Variants in CADM1 observed in about 807,000 individuals in gnomAD.
CADM1 encodes cell adhesion molecule 1, also known as TSLC-1.
A neutral mutation model predicts 53.1 loss-of-function variants in CADM1; 15 were observed. The observed-to-expected ratio is 0.28, with a 90% CI of 0.19 to 0.44. The LOEUF is 0.44. CADM1 is among the 20% of genes least tolerant of loss of function. CADM1 has a pLI of 1.00. For missense variants in CADM1, 434 were observed against 611.3 expected (o/e 0.71, Z 3.06); for synonymous variants, 281 against 243.0 (o/e 1.16, Z -1.45).
At chr11:115,283,449 C>T (rs757524185) in intron 1 of CADM1, among the ~76,000 whole-genome samples, 3 of 152,034 alleles carry the variant, frequency 2.0e-5, no homozygotes, top group Non-Finnish European at 2.9e-5. Context: ...TTGGAAGGAA[C>T]GCAGTGAGGG....
At chr11:115,217,869 C>T (rs1186788310) in intron 6 of CADM1, 23 bp downstream of exon 6, 2 of 1,521,492 alleles carry the variant, frequency 1.3e-6, no homozygotes, top group Admixed American at 1.7e-5. Context: ...GACCCTCTGC[C>T]AACTTTGGCC....
At chr11:115,260,434 A>C (rs1942936849) in intron 1 of CADM1, among the ~76,000 whole-genome samples, 3 of 152,220 alleles carry the variant, frequency 2.0e-5, no homozygotes, top group South Asian at 4.1e-4. Context: ...GTTGTATCAT[A>C]CTGTATCAGG....
intron 1 of CADM1, among the ~76,000 whole-genome samples, chr11:115,392,206 A>G (rs972533679): frequency 6.6e-6 from 1 of 151,902 alleles, no homozygotes; most frequent in Admixed American, 6.6e-5. Flanking sequence ...TATTGTGTTA[A>G]TTGTTTATTT....
chr11:115,191,043 C>A, intron 9 of CADM1, 102 bp from the exon 10 acceptor site: 1 of 890,466 alleles, frequency 1.1e-6, no homozygotes, highest in South Asian at 1.5e-5. Flanking sequence ...TGAGCCAAAT[C>A]TCTTGCTATC....
intron 1 of CADM1, among the ~76,000 whole-genome samples, chr11:115,391,033 G>C (rs1231954127): frequency 6.6e-6 from 1 of 152,274 alleles, no homozygotes; most frequent in African/African-American, 2.4e-5. Context: ...CAAAGCAATA[G>C]AAATGCACAG....
chr11:115,393,303 G>T (rs1418940120), intron 1 of CADM1, among the ~76,000 whole-genome samples: 1 of 151,444 alleles, frequency 6.6e-6, no homozygotes, highest in African/African-American at 2.4e-5. Flanking sequence ...TCTCTGAGTG[G>T]TAGGATTATA....
chr11:115,416,159 C>T (rs1161856143), intron 1 of CADM1, among the ~76,000 whole-genome samples: 1 of 152,194 alleles, frequency 6.6e-6, no homozygotes, highest in Non-Finnish European at 1.5e-5. Flanking sequence ...CATTAATATA[C>T]AACTCCACAG....
rs556445957 is a variant in CADM1, at chr11:115,314,941, G to A, written c.125-74521C>T. Among the ~76,000 whole-genome samples, 4 of 152,292 alleles carry A rather than the reference G, an allele frequency of 2.6e-5. 1 individual carries two copies. The highest frequency in any genetic ancestry group is 2.6e-4 in the Admixed American group (4 of 15,286). On this transcript the variant is annotated intron_variant, in intron 1 of 11. Transcript: ENST00000331581. ...CAGAAGCTTGTTTCATAAATTAGGGGAGAAAGTTCATGAAATGTTAAAAAT... is the reference window on the plus strand; with the variant it reads ...CAGAAGCTTGTTTCATAAATTAGGGAAGAAAGTTCATGAAATGTTAAAAAT...
chr11:115,370,971 C>A (rs956793432), intron 1 of CADM1, among the ~76,000 whole-genome samples: 2 of 152,066 alleles, frequency 1.3e-5, no homozygotes, highest in East Asian at 3.9e-4. Context: ...CCTGCCTGAA[C>A]AATAACAATT....
chr11:115,198,266 C>A, intron 9 of CADM1, 140 bp downstream of exon 9: 1 of 638,028 alleles, frequency 1.6e-6, no homozygotes, highest in Non-Finnish European at 2.7e-6. Context: ...CTTTTCAAAC[C>A]TTAAAAAATT....
intron 1 of CADM1, among the ~76,000 whole-genome samples, chr11:115,351,717 A>C (rs1049736007): frequency 1.7e-4 from 26 of 152,210 alleles, no homozygotes; most frequent in Non-Finnish European, 1.0e-4. Context: ...ACATTCTCTT[A>C]ATCAAAAATA....
At chr11:115,424,808 G>A (rs1947851110) in intron 1 of CADM1, among the ~76,000 whole-genome samples, 1 of 151,944 alleles carries the variant, frequency 6.6e-6, no homozygotes, top group Non-Finnish European at 1.5e-5. Context: ...TTTCAGGCAT[G>A]AGCTACCACG....
intron 7 of CADM1, among the ~76,000 whole-genome samples, chr11:115,211,941 T>A (rs771079612): frequency 5.3e-5 from 8 of 151,884 alleles, no homozygotes; most frequent in Non-Finnish European, 1.0e-4. Flanking sequence ...CAGAGAAAGG[T>A]CATCAGTCCC....
chr11:115,299,198 G>A (rs1379542753), intron 1 of CADM1, among the ~76,000 whole-genome samples: 1 of 152,172 alleles, frequency 6.6e-6, no homozygotes, highest in African/African-American at 2.4e-5. Flanking sequence ...GGCATAGACT[G>A]GGAAGACAAA....
intron 1 of CADM1, among the ~76,000 whole-genome samples, chr11:115,289,221 C>T (rs990356105): frequency 5.3e-5 from 8 of 151,900 alleles, no homozygotes; most frequent in Admixed American, 3.9e-4. Flanking sequence ...AAAAATTAGC[C>T]GGGTGTGGTG....
intron 11 of CADM1, among the ~76,000 whole-genome samples, 175 bp downstream of exon 11, chr11:115,178,469 A>C (rs1010920340): frequency 1.3e-5 from 2 of 151,810 alleles, no homozygotes; most frequent in African/African-American, 4.8e-5. Flanking sequence ...GCGGCTGCTA[A>C]GATTTCTGGT....
chr11:115,464,817 G>A (rs1226057467), intron 1 of CADM1, among the ~76,000 whole-genome samples: 2 of 152,196 alleles, frequency 1.3e-5, no homozygotes. Context: ...ACAGCCAGAA[G>A]CTTTGAACCA....
At chr11:115,496,929 C>T (rs1038182679) in intron 1 of CADM1, among the ~76,000 whole-genome samples, 3 of 152,068 alleles carry the variant, frequency 2.0e-5, no homozygotes, top group South Asian at 2.1e-4. Context: ...ATTTTTTAAA[C>T]GTTAACTTTT....
chr11:115,501,031 G>A (rs766662887), intron 1 of CADM1, among the ~76,000 whole-genome samples: 1 of 152,152 alleles, frequency 6.6e-6, no homozygotes, highest in Non-Finnish European at 1.5e-5. Context: ...AAAGCTCTTT[G>A]TTCCAGAGAA....
Sources: allele counts gnomAD v4.1 joint callset (sites outside exome capture counted in the v4.1 genomes callset), GRCh38; gene constraint gnomAD v4.1.1; transcripts MANE v1.5; gene names NCBI Gene and HGNC (gene_info 2026-07-23, HGNC 2026-07-21).